The following RAB11FIP3 variants were observed in gnomAD, a reference collection of about 807,000 sequenced individuals.
RAB11FIP3 encodes the protein RAB11 family interacting protein 3.
In RAB11FIP3, 17 loss-of-function variants were observed where a neutral mutation model predicts 77.8. The ratio of observed to expected loss-of-function variants is 0.22; its 90% CI spans 0.15 to 0.33. The LOEUF is 0.33. Ranked by LOEUF, RAB11FIP3 falls within the 10% of genes least tolerant of loss-of-function variation. RAB11FIP3 has a pLI of 1.00. For missense variants in RAB11FIP3, 1,005 were observed against 1,011.2 expected (o/e 0.99, Z 0.08); for synonymous variants, 437 against 448.2 (o/e 0.98, Z 0.31).
chr16:488,358 C>T (rs1490571144), intron 4 of RAB11FIP3, among the ~76,000 whole-genome samples: 3 of 151,754 alleles, frequency 2.0e-5, no homozygotes, highest in Non-Finnish European at 2.9e-5. Context: ...CCAGCCTGGG[C>T]GATAGAGCCA....
rs746028307 is a variant in RAB11FIP3, at chr16:488,959, C to T, written c.1224C>T (p.Asn408=). The change falls in exon 5 of 14, where the codon AAC becomes AAT. Residue 408 remains asparagine, a synonymous_variant. Coordinates refer to ENST00000262305, the MANE Select transcript of RAB11FIP3 (RefSeq NM_014700.4). ...AGCTGTCCCCAGAGACCCTATGCAA[C>T]GGGCAGCTGGGCTGCAGTGACCCCG... is the stretch of plus-strand genomic sequence containing the variant. ...EAELSPETLC[N]GQLGCSDPAF... 23 of 1,613,932 alleles carry T rather than the reference C, an allele frequency of 1.4e-5. No individual in the cohort carries two copies. Among genetic ancestry groups the T allele is most frequent in the Admixed American group, 6.7e-5 (4 of 59,994 alleles).
At chr16:449,441 ACTT>A (rs923271302) in intron 1 of RAB11FIP3, among the ~76,000 whole-genome samples, 36 of 152,150 alleles carry the variant, frequency 2.4e-4, no homozygotes, top group African/African-American at 7.2e-4. Context: ...ATGGCAGCTT[ACTT>A]CTTCTTTGAG....
At chr16:470,233 A>T (rs922907983) in intron 2 of RAB11FIP3, among the ~76,000 whole-genome samples, 1 of 151,954 alleles carries the variant, frequency 6.6e-6, no homozygotes, top group African/African-American at 2.4e-5. Flanking sequence ...CCTGACCTCA[A>T]ATGATCCTCC....
chr16:492,245 C>G (rs1388138856), intron 5 of RAB11FIP3, among the ~76,000 whole-genome samples: 1 of 152,284 alleles, frequency 6.6e-6, no homozygotes, highest in Admixed American at 6.5e-5. Context: ...GGGCCCCCAG[C>G]CAGTGCCCAT....
At chr16:437,794 A>G (rs944219248) in intron 1 of RAB11FIP3, among the ~76,000 whole-genome samples, 5 of 152,052 alleles carry the variant, frequency 3.3e-5, no homozygotes, top group African/African-American at 9.7e-5. Flanking sequence ...ATTGCATTGT[A>G]ATTATTATTA....
At chr16:435,370 T>G (rs1370330000) in intron 1 of RAB11FIP3, among the ~76,000 whole-genome samples, 2 of 152,198 alleles carry the variant, frequency 1.3e-5, no homozygotes, top group East Asian at 3.8e-4. Context: ...CTGGAAACAT[T>G]CAATGTAAAC....
intron 4 of RAB11FIP3, among the ~76,000 whole-genome samples, chr16:488,443 C>G (rs1381688798): frequency 1.3e-5 from 2 of 151,694 alleles, no homozygotes; most frequent in African/African-American, 2.4e-5. Context: ...GGGCCTTGCT[C>G]TGTCACCCAG....
At chr16:443,072 C>T (rs1282098950) in intron 1 of RAB11FIP3, among the ~76,000 whole-genome samples, 1 of 152,124 alleles carries the variant, frequency 6.6e-6, no homozygotes, top group Non-Finnish European at 1.5e-5. Flanking sequence ...GAAGACATTT[C>T]CTCTTGGTGA....
At chr16:441,222 C>T (rs1307026583) in intron 1 of RAB11FIP3, among the ~76,000 whole-genome samples, 1 of 152,170 alleles carries the variant, frequency 6.6e-6, no homozygotes, top group Non-Finnish European at 1.5e-5. Context: ...GATTATAGGC[C>T]ACCGTCGCCA....
At chr16:456,881 A>T (rs1275843249) in intron 1 of RAB11FIP3, among the ~76,000 whole-genome samples, 1 of 152,148 alleles carries the variant, frequency 6.6e-6, no homozygotes, top group African/African-American at 2.4e-5. Flanking sequence ...TTTTAGAAAG[A>T]AGTGTCCGTG....
Position 436,886 on chromosome 16 carries a change from T to A in RAB11FIP3, c.714+10166T>A, listed in dbSNP as rs979105532. Among the ~76,000 whole-genome samples the A allele has an allele frequency of 8.5e-5, 13 of 152,132 alleles. 1 individual carries two copies. The highest frequency in any genetic ancestry group is 3.1e-4 in the African/African-American group (13 of 41,428). On this transcript the variant is annotated intron_variant, in intron 1 of 13. Transcript: ENST00000262305. ...TAACCATCTTGCTAGGCCAACAAAT[T>A]CTTAGTGACAGAATTATAGCTAGAT... is the stretch of plus-strand genomic sequence containing the variant.
Position 505,210 on chromosome 16 carries a change from A to G in RAB11FIP3, c.1396-314A>G, listed in dbSNP as rs886622635. On this transcript the variant is annotated intron_variant, in intron 7 of 13. Coordinates refer to ENST00000262305, the MANE Select transcript of RAB11FIP3 (RefSeq NM_014700.4). The surrounding 1 kb of genome is among the most constrained non-coding windows in gnomAD (Gnocchi z 4.0). Reference sequence around the variant, plus strand: ...CTGCATCTGGCTGAGCAGAGACCCAACTGTGTGTTGGGGGGCTGAGTCTTG... The same window carrying G: ...CTGCATCTGGCTGAGCAGAGACCCAGCTGTGTGTTGGGGGGCTGAGTCTTG... Among the ~76,000 whole-genome samples the G allele has an allele frequency of 2.6e-5, 4 of 151,664 alleles. No homozygotes were observed. The highest frequency in any genetic ancestry group is 6.6e-5 in the Admixed American group (1 of 15,236).
chr16:493,106 C>T (rs1353839012), intron 5 of RAB11FIP3, among the ~76,000 whole-genome samples: 4 of 152,058 alleles, frequency 2.6e-5, no homozygotes, highest in African/African-American at 9.7e-5. Context: ...TAAAAATTAG[C>T]CAGGCATGGT....
intron 9 of RAB11FIP3, among the ~76,000 whole-genome samples, chr16:516,052 C>G (rs908155888): frequency 6.6e-6 from 1 of 152,210 alleles, no homozygotes; most frequent in East Asian, 1.9e-4. Flanking sequence ...CCGGGCACCC[C>G]GTGGCCTCCC....
In RAB11FIP3 at chr16:461,919, G is replaced by A. The variant is rs1278466339; in HGVS notation, c.808+422G>A. ...CCCCAGCCCCTCTTGAATGGGATGT[G>A]TTTGTAATCAGCATGCTTCCGCGCA... On this transcript the variant is annotated intron_variant, in intron 2 of 13. Transcript: ENST00000262305. The surrounding 1 kb of genome is among the most constrained non-coding windows in gnomAD (Gnocchi z 4.5). 1.3e-5 allele frequency among the ~76,000 whole-genome samples: 2 copies of A among 152,212 alleles called. No homozygotes were observed. Among genetic ancestry groups the A allele is most frequent in the Admixed American group, 6.5e-5 (1 of 15,282 alleles).
chr16:470,884 C>T (rs1030120086), intron 2 of RAB11FIP3, among the ~76,000 whole-genome samples: 7 of 151,992 alleles, frequency 4.6e-5, no homozygotes, highest in Admixed American at 4.6e-4. Flanking sequence ...CATACCTACA[C>T]CTTCTCATGT....
At chr16:475,865 A>ATT (rs1567378948) in intron 3 of RAB11FIP3, among the ~76,000 whole-genome samples, 5 of 151,772 alleles carry the variant, frequency 3.3e-5, no homozygotes, top group African/African-American at 1.2e-4. Context: ...TATTTTTTAA[A>ATT]TTGTTTTTTG....
At chr16:475,552 A>C (rs1028542021) in intron 3 of RAB11FIP3, among the ~76,000 whole-genome samples, 1 of 152,120 alleles carries the variant, frequency 6.6e-6, no homozygotes, top group African/African-American at 2.4e-5. Context: ...TGCCCTGGAA[A>C]ACTCCATGTA....
intron 7 of RAB11FIP3, among the ~76,000 whole-genome samples, chr16:503,395 C>T (rs1176695045): frequency 6.6e-6 from 1 of 152,176 alleles, no homozygotes; most frequent in Non-Finnish European, 1.5e-5. Context: ...GTGTCTGAGT[C>T]GGGCTGGGGG....
Sources: allele counts gnomAD v4.1 joint callset (sites outside exome capture counted in the v4.1 genomes callset), GRCh38; gene constraint gnomAD v4.1.1; non-coding constraint Gnocchi (gnomAD v3.1); transcripts MANE v1.5; gene names NCBI Gene and HGNC (gene_info 2026-07-23, HGNC 2026-07-21).